MGAT5B: variants seen among roughly 807,000 people sequenced by gnomAD.
MGAT5B encodes the protein N-acetylglucosaminyl-transferase Vb.
In MGAT5B, 54 loss-of-function variants were observed where a neutral mutation model predicts 95.1. That is an observed-to-expected ratio of 0.57 (90% CI 0.46 to 0.71). MGAT5B has a LOEUF of 0.71. Ranked by LOEUF, MGAT5B falls within the 30% of genes least tolerant of loss-of-function variation. The pLI, the probability that MGAT5B is intolerant of heterozygous loss-of-function variation, is 0.00. For synonymous variants in MGAT5B, 464 were observed against 451.0 expected (o/e 1.03, Z -0.36); for missense variants, 935 against 1,088.6 (o/e 0.86, Z 1.99).
At chr17:76,895,620 C>G (rs1348306184) in intron 3 of MGAT5B, among the ~76,000 whole-genome samples, 3 of 152,116 alleles carry the variant, frequency 2.0e-5, no homozygotes, top group African/African-American at 7.2e-5. Context: ...ACATGGTGTC[C>G]TCTCTGTTTG....
chr17:76,906,309 G>T lies in MGAT5B; in HGVS notation c.1025+122G>T. The stretch of plus-strand genomic sequence containing the variant: ...CTGCCTGCAGGTCCCACGGCCCTGA[G>T]ACCCTGGGAGACATCCTGGTGTTCC... On this transcript the variant is annotated intron_variant, in intron 8 of 17. Transcript: ENST00000569840. The surrounding 1 kb of genome is among the most constrained non-coding windows in gnomAD (Gnocchi z 4.6). The T allele has an allele frequency of 1.2e-6, 1 of 855,114 alleles. No homozygotes were observed. Among genetic ancestry groups the T allele is most frequent in the Non-Finnish European group, 1.7e-6 (1 of 576,840 alleles). The allele number at this position is 855,114 out of a possible 1,614,324, so 53.0% of individuals were successfully genotyped here.
At position 76,905,567 on chromosome 17, in the gene MGAT5B, A is replaced by G. The variant is rs1168577132; in HGVS notation, c.855+234A>G. On this transcript the variant is annotated intron_variant, in intron 7 of 17. Coordinates refer to ENST00000569840, the MANE Select transcript of MGAT5B (RefSeq NM_001199172.2). This position sits in a 1 kb window ranked among gnomAD's most constrained non-coding sequence, Gnocchi z 4.2. ...CCAAGAGGTCCTGCATTCTGTGTAC[A>G]TCTGGTTCATGTCAGGCAGAAAAGT... is the stretch of plus-strand genomic sequence containing the variant. 4.6e-5 allele frequency among the ~76,000 whole-genome samples: 7 copies of G among 152,142 alleles called. No homozygotes were observed. Among genetic ancestry groups the G allele is most frequent in the Admixed American group, 3.9e-4 (6 of 15,274 alleles).
At chr17:76,932,325 G>A (rs1344802377) in intron 10 of MGAT5B, among the ~76,000 whole-genome samples, 1 of 151,924 alleles carries the variant, frequency 6.6e-6, no homozygotes, top group Non-Finnish European at 1.5e-5. Flanking sequence ...ATAGAGACAG[G>A]GTCTCACTAT....
At chr17:76,909,992 G>A (rs1322196945) in intron 8 of MGAT5B, among the ~76,000 whole-genome samples, 1 of 152,192 alleles carries the variant, frequency 6.6e-6, no homozygotes, top group Non-Finnish European at 1.5e-5. Context: ...TGGCTGTGTT[G>A]AGAAGCACTG....
intron 1 of MGAT5B, 113 bp from the exon 2 acceptor site, chr17:76,872,738 C>A: frequency 6.3e-7 from 1 of 1,585,120 alleles, no homozygotes; most frequent in Non-Finnish European, 8.6e-7. Context: ...TTCTCCCTTG[C>A]TTCCTTCACT....
intron 3 of MGAT5B, among the ~76,000 whole-genome samples, chr17:76,890,910 C>T (rs1183617320): frequency 6.7e-6 from 1 of 149,708 alleles, no homozygotes; most frequent in Non-Finnish European, 1.5e-5. Flanking sequence ...TGATCAGCTT[C>T]TTGCTGTGTC....
chr17:76,946,280 G>T lies in MGAT5B; in HGVS notation c.1849-96G>T, dbSNP rs750877410. On this transcript the variant is annotated intron_variant, in intron 15 of 17. Coordinates refer to ENST00000569840, the MANE Select transcript of MGAT5B (RefSeq NM_001199172.2). ...TCCCTGGGCATGGCACAGGATGTGA[G>T]AGCCCACCAGACCTCCACCCCCAAT... 8 of 1,033,694 alleles carry T rather than the reference G, an allele frequency of 7.7e-6. No individual in the cohort carries two copies. The African/African-American group carries it at 8.0e-5, about 10-fold the overall frequency. The allele number at this position is 1,033,694 out of a possible 1,614,324, so 64.0% of individuals were successfully genotyped here.
In MGAT5B at chr17:76,940,134, T is replaced by C. The variant is rs1969814312; in HGVS notation, c.1585-268T>C. Among the ~76,000 whole-genome samples the C allele has an allele frequency of 6.6e-6, 1 of 152,114 alleles. No individual in the cohort carries two copies. Among genetic ancestry groups the C allele is most frequent in the Admixed American group, 6.6e-5 (1 of 15,266 alleles). On this transcript the variant is annotated intron_variant, in intron 13 of 17. Coordinates refer to ENST00000569840, the MANE Select transcript of MGAT5B (RefSeq NM_001199172.2). The surrounding 1 kb of genome is among the most constrained non-coding windows in gnomAD (Gnocchi z 4.3). ...AGCCTGATAGAGCAAGAAGAGACCA[T>C]TGATAATACCTAATTAGACCCCCTT...
rs926384979 is a variant in MGAT5B, at chr17:76,949,812, C to T, written c.*974C>T. The stretch of plus-strand genomic sequence containing the variant: ...CGCACTCCCTGGCATTTTTTGCAGA[C>T]AAGGGCTTGGGATGGACCCTCAGCC... On this transcript the variant is annotated 3_prime_UTR_variant, in exon 18 of 18. Coordinates refer to ENST00000569840, the MANE Select transcript of MGAT5B (RefSeq NM_001199172.2). The T allele has an allele frequency of 6.6e-6, 1 of 152,160 alleles. No individual in the cohort carries two copies. Among genetic ancestry groups the T allele is most frequent in the Admixed American group, 6.5e-5 (1 of 15,272 alleles). 9.4% of individuals were successfully genotyped at this position (152,160 alleles called of 1,614,324 possible).
chr17:76,950,322 C>T lies in MGAT5B; in HGVS notation c.*1484C>T, dbSNP rs1970166764. On this transcript the variant is annotated 3_prime_UTR_variant, in exon 18 of 18. Transcript: ENST00000569840. ...GGAAAGCAATAGAGACACTCTTTTT[C>T]TCTCTTTTTTTTAAAGATTTATTTC... 1.6e-5 allele frequency: 1 copy of T among 63,140 alleles called. No homozygotes were observed. The highest frequency in any genetic ancestry group is 3.5e-5 in the Non-Finnish European group (1 of 28,212). The allele number at this position is 63,140 out of a possible 1,614,324, so 3.9% of individuals were successfully genotyped here. A position where few individuals can be genotyped will look rare whatever the true frequency, so the allele number is the denominator to read the frequency against.
chr17:76,934,691 A>G (rs1263440752), intron 12 of MGAT5B, among the ~76,000 whole-genome samples: 1 of 152,194 alleles, frequency 6.6e-6, no homozygotes, highest in African/African-American at 2.4e-5. Flanking sequence ...ATGAGAGGTT[A>G]TGAAGTCTGG....
intron 3 of MGAT5B, among the ~76,000 whole-genome samples, chr17:76,894,853 A>C (rs920657436): frequency 5.5e-5 from 8 of 146,334 alleles, no homozygotes; most frequent in Admixed American, 1.4e-4. Context: ...ACTCTGTCTC[A>C]AAAAAAAAAA....
chr17:76,884,714 C>T (rs1291226893), intron 3 of MGAT5B, among the ~76,000 whole-genome samples: 1 of 151,962 alleles, frequency 6.6e-6, no homozygotes, highest in African/African-American at 2.4e-5. Context: ...AGCGATTCTC[C>T]TGCCTCAGTC....
chr17:76,906,157 G>C lies in MGAT5B; in HGVS notation c.995G>C (p.Arg332Pro). 6.2e-7 allele frequency: 1 copy of C among 1,606,106 alleles called. No individual in the cohort carries two copies. Among genetic ancestry groups the C allele is most frequent in the Non-Finnish European group, 8.5e-7 (1 of 1,176,762 alleles). Residue 332 changes from arginine to proline, a missense_variant, in exon 8 of 18, where the codon CGG (arginine) becomes CCG (proline). By Grantham distance (103) the Arg-to-Pro change is moderately radical. Around this residue, in one of 4 missense-constraint regions of MGAT5B, gnomAD observed 243 missense variants for 305.5 expected, o/e 0.80. Transcript: ENST00000569840. The surrounding 1 kb of genome is among the most constrained non-coding windows in gnomAD (Gnocchi z 4.6). Reference sequence around the variant, plus strand: ...CTCTATGTCCTGGGCCATGGCCTGCGGGTCACAGTCTCCCTGAAGGAGCTG... The same window carrying C: ...CTCTATGTCCTGGGCCATGGCCTGCCGGTCACAGTCTCCCTGAAGGAGCTG... Reference protein sequence around the residue: ...TALYVLGHGLRVTVSLKELQS... With the variant: ...TALYVLGHGLPVTVSLKELQS...
chr17:76,873,249 G>T (rs567978952), intron 2 of MGAT5B, among the ~76,000 whole-genome samples: 36 of 152,356 alleles, frequency 2.4e-4, no homozygotes, highest in African/African-American at 7.7e-4. Flanking sequence ...CTTTAGTTGG[G>T]TGTCAGGGGT....
chr17:76,880,410 C>T (rs565757533), intron 2 of MGAT5B, among the ~76,000 whole-genome samples: 2 of 152,286 alleles, frequency 1.3e-5, no homozygotes, highest in African/African-American at 4.8e-5. Flanking sequence ...AGGGTGGGAA[C>T]GTGGCAGCAG....
At chr17:76,893,516 G>A (rs899956163) in intron 3 of MGAT5B, among the ~76,000 whole-genome samples, 1 of 152,206 alleles carries the variant, frequency 6.6e-6, no homozygotes, top group African/African-American at 2.4e-5. Flanking sequence ...TAAAAGAAAA[G>A]AAAGGAAAAT....
chr17:76,944,733 G>A (rs1047095265), intron 15 of MGAT5B, among the ~76,000 whole-genome samples: 9 of 152,314 alleles, frequency 5.9e-5, no homozygotes, highest in East Asian at 1.9e-4. Flanking sequence ...AGTGACTGCC[G>A]CTTCCCTGGG....
rs1967798187 is a variant in MGAT5B at position 76,889,706 on chromosome 17, T to C, written c.329+7408T>C. On this transcript the variant is annotated intron_variant, in intron 3 of 17. Transcript: ENST00000569840. The surrounding 1 kb of genome is among the most constrained non-coding windows in gnomAD (Gnocchi z 4.4). ...AAATAATAATAACAGCCACCCTCTA[T>C]TGGGCACCAAGCTCACTAGAGCTTG... 6.6e-6 allele frequency among the ~76,000 whole-genome samples: 1 copy of C among 152,126 alleles called. No homozygotes were observed. The highest frequency in any genetic ancestry group is 1.5e-5 in the Non-Finnish European group (1 of 68,004).
Sources: allele counts gnomAD v4.1 joint callset (sites outside exome capture counted in the v4.1 genomes callset), GRCh38; gene constraint gnomAD v4.1.1; regional missense constraint gnomAD v4.1.1; non-coding constraint Gnocchi (gnomAD v3.1); transcripts MANE v1.5; gene names NCBI Gene and HGNC (gene_info 2026-07-23, HGNC 2026-07-21).